The following DNAH17 variants were observed in gnomAD, a reference collection of about 807,000 sequenced individuals.
The protein encoded by DNAH17 is dynein axonemal heavy chain 17.
A neutral mutation model predicts 485.6 loss-of-function variants in DNAH17; 376 were observed. The observed-to-expected ratio is 0.77, with a 90% CI of 0.71 to 0.84. The LOEUF (loss-of-function observed/expected upper bound fraction) is 0.84. DNAH17 is among the 40% of genes least tolerant of loss of function. The pLI, the probability that DNAH17 is intolerant of heterozygous loss-of-function variation, is 0.00. For synonymous variants in DNAH17, 3,031 were observed against 2,405.9 expected (o/e 1.26, Z -7.60); for missense variants, 6,370 against 5,839.3 (o/e 1.09, Z -2.96).
chr17:78,546,232 A>G (rs1420638842), intron 16 of DNAH17, among the ~76,000 whole-genome samples: 1 of 152,230 alleles, frequency 6.6e-6, no homozygotes, highest in Non-Finnish European at 1.5e-5. Flanking sequence ...GGCTGTGAGA[A>G]CTGCCATCTT....
At position 78,560,722 on chromosome 17, in the gene DNAH17, C is replaced by G. The variant is rs770792887; in HGVS notation, c.2031+18G>C. On this transcript the variant is annotated intron_variant, in intron 13 of 80. Transcript: ENST00000389840. ...CTCCCAAGGAGCCTTTGACGCGGTC[C>G]CCACTCCTGGCACCCACCGCTTTGC... 50 of 1,538,152 alleles carry G rather than the reference C, an allele frequency of 3.3e-5. No homozygotes were observed. Among genetic ancestry groups the G allele is most frequent in the Non-Finnish European group, 4.4e-5 (50 of 1,137,784 alleles).
intron 13 of DNAH17, among the ~76,000 whole-genome samples, chr17:78,558,599 A>ATGGGTGGATGATGTCATCATTG (rs1380266770): frequency 4.0e-5 from 6 of 151,694 alleles, no homozygotes; most frequent in Admixed American, 1.3e-4. Context: ...CATTATCCTT[A>ATGGGTGGATGATGTCATCATTG]TGGGTGGATG....
Position 78,574,984 on chromosome 17 carries a change from T to C in DNAH17, c.74A>G (p.Asp25Gly), listed in dbSNP as rs1249607257. The change falls in exon 2 of 81, where the codon GAC (aspartate) becomes GGC (glycine). Residue 25 changes from aspartate to glycine, a missense_variant. Asp to Gly is a moderately conservative substitution (Grantham distance 94). Transcript: ENST00000389840. Reference sequence around the variant, plus strand: ...GGCGCCTATCAGCTTGCTCCACTTGTCCGGCTTGAACTTCAGGACGATGGA... The same window carrying C: ...GGCGCCTATCAGCTTGCTCCACTTGCCCGGCTTGAACTTCAGGACGATGGA... ...VASIVLKFKP[D>G]KWSKLIGAEE... 3.1e-6 allele frequency: 5 copies of C among 1,614,024 alleles called. No individual in the cohort carries two copies. Among genetic ancestry groups the C allele is most frequent in the East Asian group, 2.2e-5 (1 of 44,890 alleles).
chr17:78,519,970 G>C (rs934864212), intron 25 of DNAH17, among the ~76,000 whole-genome samples: 6 of 152,096 alleles, frequency 3.9e-5, no homozygotes, highest in African/African-American at 1.4e-4. Flanking sequence ...AATTAGCTGG[G>C]TGTGGTGGTG....
At position 78,566,998 on chromosome 17, in the gene DNAH17, C is replaced by T; in HGVS notation, c.1452+1G>A. ...TCATCCAACCCTGCCCGAGGACCTA[C>T]CGAGTCTCCAGGGTCCAAGGGATCA... On this transcript the variant is annotated splice_donor_variant, in intron 10 of 80. Transcript: ENST00000389840. LOFTEE classifies it high-confidence loss of function. The T allele has an allele frequency of 6.2e-7, 1 of 1,609,290 alleles. No homozygotes were observed. Among genetic ancestry groups the T allele is most frequent in the Non-Finnish European group, 8.5e-7 (1 of 1,177,358 alleles).
At chr17:78,522,406 C>A (rs590040) in intron 25 of DNAH17, 107,225 of 294,546 alleles carry the variant, frequency 0.36, 20,912 homozygotes, top group East Asian at 0.55. Context: ...TATGTGAGTG[C>A]AACTATTCTG....
rs530434740 is a variant in DNAH17, at chr17:78,526,700, T to C, written c.3662A>G (p.Glu1221Gly). The change falls in exon 24 of 81, where the codon GAG becomes GGG. Residue 1221 changes from glutamate to glycine, a missense_variant. Glu to Gly is a moderately conservative substitution (Grantham distance 98, BLOSUM62 -2). Coordinates refer to ENST00000389840, the MANE Select transcript of DNAH17 (RefSeq NM_173628.4). ...QHEFRERFRR[E>G]APFSFSDPNP... ...GGGGTCGCTGAAGGAGAACGGGGCC[T>C]CGCGCCTGAACCTCTCCCTGAACTC... The C allele has an allele frequency of 2.7e-5, 44 of 1,611,186 alleles. No homozygotes were observed. In the South Asian group the frequency reaches 4.5e-4, roughly 17 times the overall value.
chr17:78,519,182 A>G (rs2090871446), intron 25 of DNAH17, among the ~76,000 whole-genome samples: 1 of 151,040 alleles, frequency 6.6e-6, no homozygotes, highest in Non-Finnish European at 1.5e-5. Context: ...AAAAAAAAAA[A>G]AAAAAAAAAA....
chr17:78,462,539 T>C (rs1386813797), intron 57 of DNAH17, among the ~76,000 whole-genome samples: 1 of 152,132 alleles, frequency 6.6e-6, no homozygotes, highest in African/African-American at 2.4e-5. Context: ...CAAATGCATT[T>C]GTATTGACTG....
At chr17:78,553,759 T>A (rs2091961152) in intron 14 of DNAH17, among the ~76,000 whole-genome samples, 1 of 152,206 alleles carries the variant, frequency 6.6e-6, no homozygotes, top group Non-Finnish European at 1.5e-5. Flanking sequence ...GCCCATACCA[T>A]GACTAATTAA....
Position 78,475,431 on chromosome 17 carries a change from A to C in DNAH17, c.8358T>G (p.Ile2786Met). ...FEDAVAHICR[I>M]NRILESPRGN... Reference sequence around the variant, plus strand: ...CCCGGGGAGACTCCAGGATGCGATTAATCCTGCAGATGTGAGCCACGGCGT... The same window carrying C: ...CCCGGGGAGACTCCAGGATGCGATTCATCCTGCAGATGTGAGCCACGGCGT... Residue 2786 changes from isoleucine to methionine, a missense_variant, in exon 54 of 81, where the codon ATT becomes ATG. Ile to Met is a conservative substitution (Grantham distance 10). Transcript: ENST00000389840. 1 of 1,613,906 alleles carries C rather than the reference A, an allele frequency of 6.2e-7. No individual in the cohort carries two copies. Among genetic ancestry groups the C allele is most frequent in the Non-Finnish European group, 8.5e-7 (1 of 1,179,886 alleles).
At chr17:78,495,767 T>C in intron 38 of DNAH17, 108 bp downstream of exon 38, 12 of 1,359,386 alleles carry the variant, frequency 8.8e-6, no homozygotes, top group Non-Finnish European at 1.2e-5. Flanking sequence ...ACTTCTTCCC[T>C]CCCCAGCTTG....
rs978350041 is a variant in DNAH17, at chr17:78,502,789, C to T, written c.5083-91G>A. 14 of 1,588,514 alleles carry T rather than the reference C, an allele frequency of 8.8e-6. No individual in the cohort carries two copies. The African/African-American group carries it at 1.8e-4, about 20-fold the overall frequency. On this transcript the variant is annotated intron_variant, in intron 32 of 80. Coordinates refer to ENST00000389840, the MANE Select transcript of DNAH17 (RefSeq NM_173628.4). ...TCCTGCTGAAAGCTTAGATGGTTTTCCAGGGGACCACAGTTAACAGCGGAG... is the reference window on the plus strand; with the variant it reads ...TCCTGCTGAAAGCTTAGATGGTTTTTCAGGGGACCACAGTTAACAGCGGAG...
intron 18 of DNAH17, among the ~76,000 whole-genome samples, chr17:78,537,818 A>G (rs1269351485): frequency 6.6e-6 from 1 of 152,236 alleles, no homozygotes; most frequent in Non-Finnish European, 1.5e-5. Context: ...CCAAATATAT[A>G]AAATGAGGCT....
At chr17:78,468,354 C>G (rs692300) in intron 55 of DNAH17, among the ~76,000 whole-genome samples, 57,801 of 151,886 alleles carry the variant, frequency 0.38, 12,848 homozygotes, top group African/African-American at 0.62. Flanking sequence ...GTATCCATGG[C>G]GGTCCTGGAA....
Position 78,507,426 on chromosome 17 carries a change from G to C in DNAH17, c.4584+32C>G, listed in dbSNP as rs752844488. 1.1e-5 allele frequency: 18 copies of C among 1,613,466 alleles called. No homozygotes were observed. The East Asian group carries it at 1.8e-4, about 16-fold the overall frequency. On this transcript the variant is annotated intron_variant, in intron 28 of 80. Coordinates refer to ENST00000389840, the MANE Select transcript of DNAH17 (RefSeq NM_173628.4). ...GGGATCGCCACACACAGTCATTTCT[G>C]AAGTGCGTGGGAACCACCGGGCTGT...
Position 78,519,767 on chromosome 17 carries a change from G to A in DNAH17, c.3865-4745C>T, listed in dbSNP as rs1322885671. 2.6e-5 allele frequency among the ~76,000 whole-genome samples: 4 copies of A among 152,146 alleles called. No individual in the cohort carries two copies. In the South Asian group the frequency reaches 6.2e-4, roughly 24 times the overall value. The stretch of plus-strand genomic sequence containing the variant: ...TTTCACAAATTTGAAACAGACCAAC[G>A]TGAACAAGCCTGTATGGCCATTAAA... On this transcript the variant is annotated intron_variant, in intron 25 of 80. Transcript: ENST00000389840.
rs1170133569 is a variant in DNAH17, at chr17:78,466,718, C to T, written c.8877G>A (p.Glu2959=). The T allele has an allele frequency of 1.9e-6, 3 of 1,612,878 alleles. No individual in the cohort carries two copies. The highest frequency in any genetic ancestry group is 2.5e-6 in the Non-Finnish European group (3 of 1,179,576). Residue 2959 remains glutamate, a synonymous_variant, in exon 56 of 81, where the codon GAG becomes GAA. Transcript: ENST00000389840. ...CGGACACCAGCGCATCTTCCGGCCA[C>T]TCGTGGAACCAGTCGATGGCCGTGC... ...VNCTAIDWFH[E]WPEDALVSVS... is the part of the protein sequence containing the mutation.
At chr17:78,464,956 C>CTCTCCCTCTCCCCACGG (rs2088342955) in intron 56 of DNAH17, among the ~76,000 whole-genome samples, 1 of 151,930 alleles carries the variant, frequency 6.6e-6, no homozygotes, top group Admixed American at 6.6e-5. Flanking sequence ...ATCGCTCTCC[C>CTCTCCCTCTCCCCACGG]TCTCCCTCTC....
Sources: gnomAD v4.1 joint callset for allele counts (sites outside exome capture counted in the v4.1 genomes callset) on GRCh38, gnomAD v4.1.1 for gene constraint, MANE v1.5 for transcripts, NCBI Gene and HGNC (gene_info 2026-07-23, HGNC 2026-07-21) for gene names.